Variants in DENND1A observed in about 807,000 individuals in gnomAD.
DENND1A encodes DENN domain-containing protein 1A.
In DENND1A, 51 loss-of-function variants were observed where a neutral mutation model predicts 113.7. That is an observed-to-expected ratio of 0.45 (90% CI 0.36 to 0.57). The LOEUF is 0.57. Ranked by LOEUF, DENND1A falls within the 20% of genes least tolerant of loss-of-function variation. The pLI is 0.00. For missense variants in DENND1A, 1,258 were observed against 1,395.9 expected, an observed-to-expected ratio of 0.90 and a Z score of 1.57; for synonymous variants, 565 against 570.8, an observed-to-expected ratio of 0.99 and a Z score of 0.14.
intron 13 of DENND1A, among the ~76,000 whole-genome samples, chr9:123,480,977 A>G (rs916384255): frequency 2.0e-5 from 3 of 152,226 alleles, no homozygotes; most frequent in African/African-American, 7.2e-5. Context: ...ATGCGCACAC[A>G]TTGTTTAAAA....
chr9:123,676,041 G>T (rs1379077173), intron 6 of DENND1A, among the ~76,000 whole-genome samples: 1 of 152,166 alleles, frequency 6.6e-6, no homozygotes, highest in East Asian at 1.9e-4. Flanking sequence ...ATGCAGCCAT[G>T]AAAAATATTT....
At chr9:123,806,326 G>T (rs1835561493) in intron 2 of DENND1A, among the ~76,000 whole-genome samples, 1 of 151,408 alleles carries the variant, frequency 6.6e-6, no homozygotes, top group Admixed American at 6.6e-5. Flanking sequence ...CGTGATCTTG[G>T]CTCACCGCAA....
intron 1 of DENND1A, among the ~76,000 whole-genome samples, chr9:123,901,632 C>A (rs1851635864): frequency 6.6e-6 from 1 of 152,180 alleles, no homozygotes; most frequent in African/African-American, 2.4e-5. Context: ...ATCACCCAGG[C>A]TACAAACTCT....
At chr9:123,516,158 A>T (rs1190867527) in intron 13 of DENND1A, among the ~76,000 whole-genome samples, 1 of 135,620 alleles carries the variant, frequency 7.4e-6, no homozygotes. Context: ...ACACACACAA[A>T]GGTTGGGGGG....
At chr9:123,744,035 A>G (rs1187814629) in intron 5 of DENND1A, among the ~76,000 whole-genome samples, 1 of 152,160 alleles carries the variant, frequency 6.6e-6, no homozygotes, top group Non-Finnish European at 1.5e-5. Context: ...TGAAATCATG[A>G]GATAGATATA....
chr9:123,818,127 G>C (rs534381098), intron 2 of DENND1A, among the ~76,000 whole-genome samples: 48 of 152,214 alleles, frequency 3.2e-4, no homozygotes, highest in African/African-American at 1.1e-3. Context: ...TTTTGAGACA[G>C]AGTCTCGCTG....
intron 3 of DENND1A, among the ~76,000 whole-genome samples, chr9:123,784,273 C>G (rs1239270528): frequency 2.0e-5 from 3 of 152,138 alleles, no homozygotes; most frequent in Non-Finnish European, 2.9e-5. Flanking sequence ...AGAGTTTTGA[C>G]TAAAGAGAAG....
chr9:123,547,746 A>G (rs1342256627), intron 13 of DENND1A, among the ~76,000 whole-genome samples: 1 of 152,240 alleles, frequency 6.6e-6, no homozygotes, highest in Non-Finnish European at 1.5e-5. Context: ...TTCAAAAGAA[A>G]GAATTAAATG....
intron 10 of DENND1A, among the ~76,000 whole-genome samples, chr9:123,612,793 T>C (rs772368798): frequency 6.6e-6 from 1 of 152,232 alleles, no homozygotes; most frequent in Non-Finnish European, 1.5e-5. Flanking sequence ...TTTTGTTATA[T>C]CCTAGCAAAG....
Position 123,930,017 on chromosome 9 carries a change from C to G in DENND1A, c.-112G>C, listed in dbSNP as rs893879166. On this transcript the variant is annotated 5_prime_UTR_variant, in exon 1 of 24. Transcript: ENST00000394215. ...CTCTCCCCGCCCCTTCCTCCCTTCC[C>G]TCAGGCTGGGGCCCGCCCGCTCGAG... 1 of 238,682 alleles carries G rather than the reference C, an allele frequency of 4.2e-6. No homozygotes were observed. Among genetic ancestry groups the G allele is most frequent in the Non-Finnish European group, 7.9e-6 (1 of 125,832 alleles). 14.8% of individuals were successfully genotyped at this position (238,682 alleles called of 1,614,324 possible).
chr9:123,613,716 T>C (rs2060517685), intron 10 of DENND1A, among the ~76,000 whole-genome samples: 1 of 152,218 alleles, frequency 6.6e-6, no homozygotes, highest in African/African-American at 2.4e-5. Context: ...AAAGTGGTGA[T>C]AATATTAACA....
chr9:123,414,393 T>G (rs2044553668), intron 19 of DENND1A: 1 of 1,432,370 alleles, frequency 7.0e-7, no homozygotes, highest in Non-Finnish European at 9.1e-7. Context: ...CAGAGAGGAC[T>G]TAAAAAAATG....
intron 5 of DENND1A, among the ~76,000 whole-genome samples, chr9:123,725,078 T>A (rs999391348): frequency 6.6e-6 from 1 of 152,218 alleles, no homozygotes; most frequent in Non-Finnish European, 1.5e-5. Context: ...TAGTAAAACA[T>A]CTCTGCAATT....
chr9:123,686,191 C>T (rs1343842545), intron 5 of DENND1A, among the ~76,000 whole-genome samples: 1 of 152,184 alleles, frequency 6.6e-6, no homozygotes, highest in Non-Finnish European at 1.5e-5. Context: ...TGAAATATTA[C>T]TCTTCATAAC....
intron 5 of DENND1A, among the ~76,000 whole-genome samples, chr9:123,707,326 G>A (rs957399051): frequency 5.9e-5 from 9 of 151,888 alleles, no homozygotes; most frequent in Admixed American, 2.0e-4. Context: ...CCTGGGAGGC[G>A]GAGGTTGCAG....
intron 2 of DENND1A, among the ~76,000 whole-genome samples, chr9:123,801,547 C>T (rs1157255753): frequency 6.6e-6 from 1 of 152,130 alleles, no homozygotes; most frequent in African/African-American, 2.4e-5. Flanking sequence ...GGGTTATTTC[C>T]ACCTTTTGGC....
chr9:123,416,373 T>C (rs1470953331), intron 19 of DENND1A, among the ~76,000 whole-genome samples: 1 of 152,190 alleles, frequency 6.6e-6, no homozygotes, highest in African/African-American at 2.4e-5. Context: ...CTGGGAGTGT[T>C]GGTTGTCATC....
At chr9:123,530,730 C>A (rs2055226941) in intron 13 of DENND1A, among the ~76,000 whole-genome samples, 1 of 152,154 alleles carries the variant, frequency 6.6e-6, no homozygotes, top group Non-Finnish European at 1.5e-5. Flanking sequence ...TGTTCCACGA[C>A]CCTCAGTGTA....
chr9:123,655,686 C>T (rs984670218), intron 8 of DENND1A, among the ~76,000 whole-genome samples: 10 of 152,204 alleles, frequency 6.6e-5, no homozygotes, highest in African/African-American at 2.4e-4. Context: ...CCAGGCCAAG[C>T]ATATTTCTCC....
Sources: gnomAD v4.1 joint callset for allele counts (sites outside exome capture counted in the v4.1 genomes callset) on GRCh38, gnomAD v4.1.1 for gene constraint, MANE v1.5 for transcripts, NCBI Gene and HGNC (gene_info 2026-07-23, HGNC 2026-07-21) for gene names.